TSPAN5: variants seen among roughly 807,000 people sequenced by gnomAD.
TSPAN5 encodes the protein tetraspanin 5.
A neutral mutation model predicts 37.1 loss-of-function variants in TSPAN5; 10 were observed. That is an observed-to-expected ratio of 0.27 (90% CI 0.17 to 0.46). The LOEUF (loss-of-function observed/expected upper bound fraction) is 0.46, where lower values mean the gene tolerates loss of function less well. Among genes scored for constraint, TSPAN5 ranks in the 20% least tolerant of loss-of-function variants. TSPAN5 has a pLI of 1.00. For missense variants in TSPAN5, 195 were observed against 326.6 expected, an observed-to-expected ratio of 0.60 and a Z score of 3.11; for synonymous variants, 110 against 118.9, an observed-to-expected ratio of 0.93 and a Z score of 0.48.
intron 1 of TSPAN5, among the ~76,000 whole-genome samples, chr4:98,510,673 C>T (rs1753583535): frequency 6.6e-6 from 1 of 152,200 alleles, no homozygotes; most frequent in African/African-American, 2.4e-5. Context: ...GACTCACAGA[C>T]AATTTCCTTT....
At position 98,621,660 on chromosome 4, in the gene TSPAN5, G is replaced by A. The variant is rs568872198; in HGVS notation, c.81+36486C>T. Among the ~76,000 whole-genome samples the A allele has an allele frequency of 1.8e-3, 269 of 152,140 alleles. 1 individual carries two copies. The Middle Eastern group carries it at 0.034, about 19-fold the overall frequency. On this transcript the variant is annotated intron_variant, in intron 1 of 7. Coordinates refer to ENST00000305798, the MANE Select transcript of TSPAN5 (RefSeq NM_005723.4). ...TAGGATAACAGGCGTGAGCCACTGCGCCCGGCCAGATGTCACCATTTTAAA... is the reference window on the plus strand; with the variant it reads ...TAGGATAACAGGCGTGAGCCACTGCACCCGGCCAGATGTCACCATTTTAAA...
rs551215483 is a variant in TSPAN5 at position 98,533,904 on chromosome 4, T to C, written c.82-26176A>G. 1.9e-3 allele frequency among the ~76,000 whole-genome samples: 260 copies of C among 134,062 alleles called. 1 individual carries two copies. Among genetic ancestry groups the C allele is most frequent in the Non-Finnish European group, 3.4e-3 (220 of 65,472 alleles). 87.9% of individuals were successfully genotyped at this position (134,062 alleles called of 152,430 possible). A position where few individuals can be genotyped will look rare whatever the true frequency, so the allele number is the denominator to read the frequency against. ...GATTCTTCTCTCTTTTCTTCTTTAT[T>C]AGTCTGGCTAGTGGTCTATCCATTT... On this transcript the variant is annotated intron_variant, in intron 1 of 7. Transcript: ENST00000305798.
At chr4:98,534,346 T>C (rs1182010436) in intron 1 of TSPAN5, among the ~76,000 whole-genome samples, 1 of 152,242 alleles carries the variant, frequency 6.6e-6, no homozygotes, top group Non-Finnish European at 1.5e-5. Flanking sequence ...TTCTTAAGCC[T>C]GAGTTCTAAT....
At chr4:98,552,245 T>C (rs771130506) in intron 1 of TSPAN5, among the ~76,000 whole-genome samples, 2 of 152,214 alleles carry the variant, frequency 1.3e-5, no homozygotes, top group African/African-American at 4.8e-5. Context: ...CTTGTAACTT[T>C]GAGTTTGGTT....
intron 1 of TSPAN5, among the ~76,000 whole-genome samples, chr4:98,600,332 A>G (rs1755855938): frequency 6.6e-6 from 1 of 152,140 alleles, no homozygotes; most frequent in African/African-American, 2.4e-5. Flanking sequence ...TGCAGCATTG[A>G]TTGACTCTTC....
At chr4:98,604,646 A>G (rs1461837421) in intron 1 of TSPAN5, among the ~76,000 whole-genome samples, 1 of 152,270 alleles carries the variant, frequency 6.6e-6, no homozygotes, top group Non-Finnish European at 1.5e-5. Flanking sequence ...AACAAACTAG[A>G]ATAAGCCCAG....
intron 1 of TSPAN5, among the ~76,000 whole-genome samples, chr4:98,585,926 TG>T (rs983059902): frequency 6.6e-6 from 1 of 152,234 alleles, no homozygotes; most frequent in African/African-American, 2.4e-5. Context: ...GGTGGGAAGA[TG>T]GGCTGAAATT....
At chr4:98,487,803 T>C (rs1474697057) in intron 2 of TSPAN5, among the ~76,000 whole-genome samples, 1 of 152,148 alleles carries the variant, frequency 6.6e-6, no homozygotes, top group Non-Finnish European at 1.5e-5. Context: ...GGACCTCGAG[T>C]AATTTCACTT....
chr4:98,505,789 G>A (rs1381669686), intron 2 of TSPAN5, among the ~76,000 whole-genome samples: 6 of 152,112 alleles, frequency 3.9e-5, no homozygotes, highest in East Asian at 1.9e-4. Flanking sequence ...GCTAACACCC[G>A]CTTCACCCTC....
At position 98,500,657 on chromosome 4, in the gene TSPAN5, G is replaced by C. The variant is rs150196710; in HGVS notation, c.132+7021C>G. On this transcript the variant is annotated intron_variant, in intron 2 of 7. Coordinates refer to ENST00000305798, the MANE Select transcript of TSPAN5 (RefSeq NM_005723.4). ...TAACTTGAGGGGATCCAGAAGTCAG[G>C]GAAGTGCAAATGCAACTCCTTTATA... 2.0e-3 allele frequency among the ~76,000 whole-genome samples: 305 copies of C among 152,300 alleles called. 3 individuals are homozygous for C. Among genetic ancestry groups the C allele is most frequent in the African/African-American group, 5.6e-3 (233 of 41,580 alleles).
intron 1 of TSPAN5, among the ~76,000 whole-genome samples, chr4:98,560,606 T>C (rs973910611): frequency 1.3e-5 from 2 of 152,238 alleles, no homozygotes; most frequent in East Asian, 3.8e-4. Context: ...AACAAAGCTC[T>C]GCCTTCAGGA....
At chr4:98,488,561 T>C (rs1251881539) in intron 2 of TSPAN5, among the ~76,000 whole-genome samples, 2 of 152,128 alleles carry the variant, frequency 1.3e-5, no homozygotes, top group South Asian at 2.1e-4. Flanking sequence ...TGAGGTGACA[T>C]CAAAGAAGGC....
chr4:98,653,461 A>G (rs538438500), intron 1 of TSPAN5, among the ~76,000 whole-genome samples: 1 of 152,288 alleles, frequency 6.6e-6, no homozygotes, highest in Non-Finnish European at 1.5e-5. Context: ...GAAAACAGAA[A>G]AATGACTTGG....
intron 1 of TSPAN5, among the ~76,000 whole-genome samples, chr4:98,631,285 C>A (rs1391837273): frequency 3.9e-5 from 6 of 152,172 alleles, no homozygotes; most frequent in Non-Finnish European, 1.5e-5. Flanking sequence ...AACATTCACA[C>A]TGAGAAGTGG....
At chr4:98,516,854 A>G (rs180900100) in intron 1 of TSPAN5, among the ~76,000 whole-genome samples, 43 of 151,194 alleles carry the variant, frequency 2.8e-4, no homozygotes, top group Admixed American at 6.6e-4. Flanking sequence ...CTCCTGTTTG[A>G]TCCCTCTTTG....
rs576852948 is a variant in TSPAN5, at chr4:98,533,543, C to CTTTT, written c.82-25819_82-25816dup. ...GGATTGGTGGTGATATCCCCTATAT[C>CTTTT]TTTTTTTTTTTTTTTTTTTTTTCTT... On this transcript the variant is annotated intron_variant, in intron 1 of 7. Coordinates refer to ENST00000305798, the MANE Select transcript of TSPAN5 (RefSeq NM_005723.4). Among the ~76,000 whole-genome samples, 314 of 58,556 alleles carry CTTTT rather than the reference C, an allele frequency of 5.4e-3. 20 individuals carry two copies. Among genetic ancestry groups the CTTTT allele is most frequent in the Middle Eastern group, 0.029 (2 of 70 alleles). 38.4% of individuals were successfully genotyped at this position (58,556 alleles called of 152,430 possible).
intron 1 of TSPAN5, among the ~76,000 whole-genome samples, chr4:98,557,737 T>C (rs944926752): frequency 2.6e-5 from 4 of 152,192 alleles, no homozygotes; most frequent in African/African-American, 4.8e-5. Context: ...ATCAAGATTA[T>C]GTTGACATGA....
intron 1 of TSPAN5, among the ~76,000 whole-genome samples, chr4:98,612,002 A>G (rs959026676): frequency 5.3e-5 from 8 of 152,114 alleles, no homozygotes; most frequent in African/African-American, 1.9e-4. Flanking sequence ...CCAAATTTAC[A>G]ATGCACATGG....
intron 1 of TSPAN5, among the ~76,000 whole-genome samples, chr4:98,516,307 AAG>A (rs1406847134): frequency 6.6e-6 from 1 of 152,202 alleles, no homozygotes; most frequent in African/African-American, 2.4e-5. Context: ...CCCATTTCCC[AAG>A]AGTCTGGTAT....
Sources: gnomAD v4.1 joint callset for allele counts (sites outside exome capture counted in the v4.1 genomes callset) on GRCh38, gnomAD v4.1.1 for gene constraint, MANE v1.5 for transcripts, NCBI Gene and HGNC (gene_info 2026-07-23, HGNC 2026-07-21) for gene names.